MYRIP: variants seen among roughly 807,000 people sequenced by gnomAD.
The protein encoded by MYRIP is myosin VIIA and Rab interacting protein.
A neutral mutation model predicts 98.0 loss-of-function variants in MYRIP; 49 were observed. The ratio of observed to expected loss-of-function variants is 0.50; its 90% confidence interval spans 0.40 to 0.63. The LOEUF is 0.63. Among genes scored for constraint, MYRIP ranks in the 30% least tolerant of loss-of-function variants. The probability of loss-of-function intolerance (pLI) is 0.00; values close to 1 mark genes in which losing one functional copy is unlikely to be tolerated. For missense variants in MYRIP, 1,004 were observed against 1,058.2 expected (o/e 0.95, Z 0.71); for synonymous variants, 404 against 409.5 (o/e 0.99, Z 0.16).
At chr3:40,148,707 G>A (rs531873336) in intron 3 of MYRIP, among the ~76,000 whole-genome samples, 11 of 152,040 alleles carry the variant, frequency 7.2e-5, no homozygotes, top group African/African-American at 2.4e-4. Context: ...ATCTTTCTTT[G>A]CCCTTTGTTA....
chr3:39,993,106 G>C (rs543212598), intron 2 of MYRIP, among the ~76,000 whole-genome samples: 2 of 152,120 alleles, frequency 1.3e-5, no homozygotes, highest in East Asian at 3.9e-4. Flanking sequence ...AGATTGAGGG[G>C]TCAGCATCTG....
At chr3:40,156,935 T>G (rs1220549838) in intron 4 of MYRIP, among the ~76,000 whole-genome samples, 1 of 152,210 alleles carries the variant, frequency 6.6e-6, no homozygotes, top group Non-Finnish European at 1.5e-5. Flanking sequence ...TCATGTCATC[T>G]GCAAACAGGG....
chr3:39,882,894 C>G (rs1267786285), intron 1 of MYRIP, among the ~76,000 whole-genome samples: 1 of 151,962 alleles, frequency 6.6e-6, no homozygotes, highest in Non-Finnish European at 1.5e-5. Flanking sequence ...AAGAGTATAT[C>G]TGTTAATGGC....
At chr3:40,131,568 A>G (rs914480254) in intron 3 of MYRIP, among the ~76,000 whole-genome samples, 1 of 152,180 alleles carries the variant, frequency 6.6e-6, no homozygotes, top group African/African-American at 2.4e-5. Flanking sequence ...ACTTTAGGGG[A>G]TATGATCTTC....
At chr3:40,000,202 T>TA (rs560813931) in intron 2 of MYRIP, among the ~76,000 whole-genome samples, 27 of 149,096 alleles carry the variant, frequency 1.8e-4, no homozygotes, top group South Asian at 6.4e-4. Flanking sequence ...TTGTTAACTT[T>TA]AAAAAAAAAA....
intron 10 of MYRIP, among the ~76,000 whole-genome samples, chr3:40,208,033 T>A (rs1951830746): frequency 6.6e-6 from 1 of 152,216 alleles, no homozygotes; most frequent in African/African-American, 2.4e-5. Flanking sequence ...TATTGAATCA[T>A]CCTTCTAGGC....
intron 3 of MYRIP, among the ~76,000 whole-genome samples, chr3:40,098,740 T>TTGTG (rs3063561): frequency 0.066 from 8,913 of 135,162 alleles, 324 homozygotes; most frequent in Middle Eastern, 0.14. Context: ...GTCTCTCTCA[T>TTGTG]TGTGTGTGTG....
chr3:39,986,322 T>C (rs1946030033), intron 2 of MYRIP, among the ~76,000 whole-genome samples: 1 of 152,148 alleles, frequency 6.6e-6, no homozygotes, highest in African/African-American at 2.4e-5. Context: ...TTTCTTCTTT[T>C]CCCAGTTTAT....
At chr3:40,186,605 T>C (rs6764977) in intron 9 of MYRIP, among the ~76,000 whole-genome samples, 1,744 of 152,238 alleles carry the variant, frequency 0.011, 32 homozygotes, top group African/African-American at 0.039. Flanking sequence ...AGGCGATGAA[T>C]CCTGGGTACT....
chr3:39,962,556 G>A (rs963125587), intron 2 of MYRIP, among the ~76,000 whole-genome samples: 2 of 151,600 alleles, frequency 1.3e-5, no homozygotes, highest in East Asian at 1.9e-4. Flanking sequence ...GTGCTTCTTT[G>A]TTTGTCCAGA....
chr3:39,846,800 G>A (rs796117484), intron 1 of MYRIP, among the ~76,000 whole-genome samples: 13 of 152,260 alleles, frequency 8.5e-5, no homozygotes, highest in African/African-American at 3.1e-4. Context: ...TGATTATTGA[G>A]GTTGGTGAGT....
chr3:39,891,895 C>T (rs1943497286), intron 1 of MYRIP, among the ~76,000 whole-genome samples: 1 of 145,282 alleles, frequency 6.9e-6, no homozygotes, highest in East Asian at 2.0e-4. Context: ...TTATGTTACA[C>T]ATACCTTTTC....
At chr3:39,842,819 A>G (rs1020051523) in intron 1 of MYRIP, among the ~76,000 whole-genome samples, 5 of 152,104 alleles carry the variant, frequency 3.3e-5, no homozygotes, top group African/African-American at 9.7e-5. Flanking sequence ...AATGAGATGA[A>G]CCATGTACCT....
At chr3:40,102,915 C>T (rs1179000479) in intron 3 of MYRIP, among the ~76,000 whole-genome samples, 1 of 151,812 alleles carries the variant, frequency 6.6e-6, no homozygotes, top group African/African-American at 2.4e-5. Context: ...AGTACTAACC[C>T]CTTCTACGGG....
intron 3 of MYRIP, among the ~76,000 whole-genome samples, chr3:40,136,135 A>T (rs1949760543): frequency 6.6e-6 from 1 of 152,184 alleles, no homozygotes; most frequent in Admixed American, 6.5e-5. Flanking sequence ...TATTCAAGAA[A>T]CCCATCTCAT....
intron 8 of MYRIP, among the ~76,000 whole-genome samples, chr3:40,178,751 A>G (rs1289298324): frequency 1.3e-5 from 2 of 152,218 alleles, no homozygotes. Flanking sequence ...CCAAGATCCC[A>G]CATAGCAAGA....
intron 2 of MYRIP, among the ~76,000 whole-genome samples, chr3:39,949,059 G>A (rs1944956065): frequency 6.6e-6 from 1 of 152,170 alleles, no homozygotes; most frequent in African/African-American, 2.4e-5. Flanking sequence ...AAGGAAGCAT[G>A]TCAAGAATAT....
At chr3:40,205,254 A>G (rs1481859168) in intron 10 of MYRIP, among the ~76,000 whole-genome samples, 1 of 152,076 alleles carries the variant, frequency 6.6e-6, no homozygotes, top group Non-Finnish European at 1.5e-5. Flanking sequence ...GAACAGATTC[A>G]TCTCTAGAAA....
chr3:40,091,025 C>A (rs1211150658), intron 3 of MYRIP, among the ~76,000 whole-genome samples: 1 of 152,156 alleles, frequency 6.6e-6, no homozygotes, highest in African/African-American at 2.4e-5. Context: ...TGGCACCTAC[C>A]ATAGGAAGAC....
Sources: allele counts gnomAD v4.1 joint callset (sites outside exome capture counted in the v4.1 genomes callset), GRCh38; gene constraint gnomAD v4.1.1; transcripts MANE v1.5; gene names NCBI Gene and HGNC (gene_info 2026-07-23, HGNC 2026-07-21).